PTPN1: variants seen among roughly 807,000 people sequenced by gnomAD.
PTPN1 encodes protein tyrosine phosphatase non-receptor type 1.
PTPN1 carries 12 observed loss-of-function variants against 59.9 expected under a neutral mutation model. The observed-to-expected ratio is 0.20, with a 90% CI of 0.13 to 0.32. PTPN1 has a LOEUF of 0.32. Among genes scored for constraint, PTPN1 ranks in the 10% least tolerant of loss-of-function variants. PTPN1 has a pLI of 1.00. For synonymous variants in PTPN1, 178 were observed against 203.6 expected (o/e 0.87, Z 1.07); for missense variants, 356 against 549.2 (o/e 0.65, Z 3.52).
At chr20:50,528,533 G>A (rs1325335762) in intron 1 of PTPN1, among the ~76,000 whole-genome samples, 1 of 151,992 alleles carries the variant, frequency 6.6e-6, no homozygotes, top group Non-Finnish European at 1.5e-5. Context: ...GGCCAACATG[G>A]TGAAACCCTG....
intron 1 of PTPN1, among the ~76,000 whole-genome samples, chr20:50,545,217 A>G (rs140574823): frequency 6.6e-6 from 1 of 152,010 alleles, no homozygotes; most frequent in African/African-American, 2.4e-5. Flanking sequence ...CAGCCCCCCA[A>G]AGTGTTGGGA....
intron 6 of PTPN1, 138 bp downstream of exon 6, chr20:50,578,767 A>G (rs563095016): frequency 2.7e-6 from 2 of 737,846 alleles, no homozygotes; most frequent in African/African-American, 1.8e-5. Context: ...CGTTACTAAT[A>G]AAGGCGTACC....
At position 50,510,489 on chromosome 20, in the gene PTPN1, T is replaced by TGGGCCGAGAAGGAGGCGCAGC; in HGVS notation, c.-38_-18dup. On this transcript the variant is annotated 5_prime_UTR_variant, in exon 1 of 10. Transcript: ENST00000371621. ...CGGCCTAGAGCGGCAGACGGCGCAG[T>TGGGCCGAGAAGGAGGCGCAGC]GGGCCGAGAAGGAGGCGCAGCAGCC... 1 of 1,546,886 alleles carries TGGGCCGAGAAGGAGGCGCAGC rather than the reference T, an allele frequency of 6.5e-7. No individual in the cohort carries two copies. The highest frequency in any genetic ancestry group is 8.7e-7 in the Non-Finnish European group (1 of 1,144,866).
chr20:50,550,698 A>G (rs768457167), intron 1 of PTPN1, among the ~76,000 whole-genome samples: 1 of 152,224 alleles, frequency 6.6e-6, no homozygotes, highest in African/African-American at 2.4e-5. Flanking sequence ...TAACAAAATT[A>G]TGTTGAGTGC....
At chr20:50,546,685 T>C (rs2082677418) in intron 1 of PTPN1, among the ~76,000 whole-genome samples, 1 of 152,212 alleles carries the variant, frequency 6.6e-6, no homozygotes, top group African/African-American at 2.4e-5. Context: ...CACTCCAAAT[T>C]GTGCACCAAA....
At chr20:50,550,181 A>G (rs1303287192) in intron 1 of PTPN1, among the ~76,000 whole-genome samples, 37 of 152,122 alleles carry the variant, frequency 2.4e-4, no homozygotes, top group African/African-American at 2.4e-5. Context: ...ATATTTCTGC[A>G]TTTCCCTTCA....
At chr20:50,547,035 G>A (rs2122758812) in intron 1 of PTPN1, among the ~76,000 whole-genome samples, 1 of 152,140 alleles carries the variant, frequency 6.6e-6, no homozygotes, top group South Asian at 2.1e-4. Context: ...GTGGTTCTCA[G>A]CATTTTAAAA....
chr20:50,532,938 A>C (rs1214739784), intron 1 of PTPN1, among the ~76,000 whole-genome samples: 1 of 151,916 alleles, frequency 6.6e-6, no homozygotes, highest in Non-Finnish European at 1.5e-5. Flanking sequence ...TTCCAGGAAC[A>C]CTTTTTGGGC....
chr20:50,553,693 C>T (rs1413302547), intron 1 of PTPN1, among the ~76,000 whole-genome samples: 2 of 152,014 alleles, frequency 1.3e-5, no homozygotes, highest in African/African-American at 2.4e-5. Flanking sequence ...GAAGCAAGCC[C>T]AGAAATGACA....
intron 1 of PTPN1, among the ~76,000 whole-genome samples, chr20:50,522,543 A>C (rs1041632595): frequency 6.6e-6 from 1 of 152,226 alleles, no homozygotes; most frequent in South Asian, 2.1e-4. Context: ...ATCTTGTTAA[A>C]GGTCTCTCCC....
intron 4 of PTPN1, among the ~76,000 whole-genome samples, chr20:50,569,886 C>T (rs1330746740): frequency 2.0e-5 from 3 of 152,270 alleles, no homozygotes; most frequent in South Asian, 2.1e-4. Flanking sequence ...TCCCTGCCCT[C>T]GCTGCTCCCC....
intron 1 of PTPN1, among the ~76,000 whole-genome samples, chr20:50,548,182 G>A (rs775325649): frequency 7.9e-5 from 12 of 152,046 alleles, no homozygotes; most frequent in African/African-American, 1.4e-4. Context: ...CATCCTGGGC[G>A]CATTTCTCTG....
intron 1 of PTPN1, among the ~76,000 whole-genome samples, chr20:50,552,741 G>A (rs1000663844): frequency 2.0e-5 from 3 of 150,716 alleles, no homozygotes; most frequent in African/African-American, 7.3e-5. Context: ...CCTGTTCTGG[G>A]ATCCAGCATG....
intron 4 of PTPN1, among the ~76,000 whole-genome samples, chr20:50,569,386 T>C (rs964964413): frequency 4.6e-5 from 7 of 152,230 alleles, no homozygotes; most frequent in Non-Finnish European, 1.0e-4. Context: ...TCATCCCACT[T>C]GCAGGCACCC....
rs560114750 is a variant in PTPN1, at chr20:50,515,509, C to T, written c.63+4919C>T. ...GTCTCACTATATTGCCCAGGCTGGT[C>T]TCAAACTCCTGGGCTCAAGTGATCC... On this transcript the variant is annotated intron_variant, in intron 1 of 9. Coordinates refer to ENST00000371621, the MANE Select transcript of PTPN1 (RefSeq NM_002827.4). Among the ~76,000 whole-genome samples the T allele has an allele frequency of 5.9e-5, 9 of 152,194 alleles. No homozygotes were observed. In the East Asian group the frequency reaches 1.7e-3, roughly 29 times the overall value.
chr20:50,585,184 C>G lies in PTPN1; in HGVS notation c.*2469C>G, dbSNP rs993481747. 1 of 152,174 alleles carries G rather than the reference C, an allele frequency of 6.6e-6. No individual in the cohort carries two copies. The highest frequency in any genetic ancestry group is 1.5e-5 in the Non-Finnish European group (1 of 68,032). 9.4% of individuals were successfully genotyped at this position (152,174 alleles called of 1,614,324 possible). On this transcript the variant is annotated 3_prime_UTR_variant, in exon 10 of 10. Transcript: ENST00000371621. ...ATATAGAATTGACTTAGAAATAAGA[C>G]AGATTAGTATAGTTTTTCATTTGTG... is the stretch of plus-strand genomic sequence containing the variant.
chr20:50,558,473 C>G (rs2082735527), intron 1 of PTPN1, among the ~76,000 whole-genome samples: 1 of 152,194 alleles, frequency 6.6e-6, no homozygotes, highest in Non-Finnish European at 1.5e-5. Context: ...TTTACACTTA[C>G]AGAACATCTC....
chr20:50,528,461 C>A (rs1601390264), intron 1 of PTPN1, among the ~76,000 whole-genome samples: 1 of 152,050 alleles, frequency 6.6e-6, no homozygotes, highest in Non-Finnish European at 1.5e-5. Flanking sequence ...TACCTGTAAT[C>A]CGAGCACTTT....
At chr20:50,551,627 AAG>A (rs1477550739) in intron 1 of PTPN1, among the ~76,000 whole-genome samples, 1 of 152,226 alleles carries the variant, frequency 6.6e-6, no homozygotes, top group Admixed American at 6.5e-5. Flanking sequence ...AATCTACACT[AAG>A]AGAAAGGAGG....
Sources: gnomAD v4.1 joint callset for allele counts (sites outside exome capture counted in the v4.1 genomes callset) on GRCh38, gnomAD v4.1.1 for gene constraint, MANE v1.5 for transcripts, NCBI Gene and HGNC (gene_info 2026-07-23, HGNC 2026-07-21) for gene names.